AMPD3: variants seen among roughly 807,000 people sequenced by gnomAD.
The protein encoded by AMPD3 is AMP deaminase 3.
A neutral mutation model predicts 82.3 loss-of-function variants in AMPD3; 57 were observed. The observed-to-expected ratio is 0.69, with a 90% confidence interval of 0.56 to 0.86. AMPD3 has a LOEUF of 0.86. Among genes scored for constraint, AMPD3 ranks in the 40% least tolerant of loss-of-function variants. The pLI is 0.00. For synonymous variants in AMPD3, 381 were observed against 394.7 expected (o/e 0.97, Z 0.41); for missense variants, 870 against 1,003.8 (o/e 0.87, Z 1.80).
rs1386625976 is a variant in AMPD3 at position 10,493,333 on chromosome 11, G to T, written c.940-16G>T. The T allele has an allele frequency of 2.5e-6, 4 of 1,613,916 alleles. No individual in the cohort carries two copies. The highest frequency in any genetic ancestry group is 3.4e-6 in the Non-Finnish European group (4 of 1,180,016). ...GAGGTGGCCTGACTCAGGGCCTGGTGGGCGCTGTGTTCCAGGTGGACACAC... is the reference window on the plus strand; with the variant it reads ...GAGGTGGCCTGACTCAGGGCCTGGTTGGCGCTGTGTTCCAGGTGGACACAC... On this transcript the variant is annotated splice_polypyrimidine_tract_variant and intron_variant, in intron 6 of 14. Transcript: ENST00000396553.
chr11:10,493,206 G>A, intron 6 of AMPD3, 143 bp from the exon 7 acceptor site: 4 of 922,076 alleles, frequency 4.3e-6, no homozygotes, highest in South Asian at 4.0e-5. Flanking sequence ...AGGAGAAATG[G>A]GGGGTGGGAT....
intron 5 of AMPD3, 123 bp downstream of exon 5, chr11:10,485,162 C>T (rs538532751): frequency 2.6e-4 from 231 of 878,484 alleles, no homozygotes; most frequent in African/African-American, 1.9e-3. Flanking sequence ...AGAAAGAGCG[C>T]GGTTTCTCCT....
Position 10,506,066 on chromosome 11 carries a change from TTC to T in AMPD3, c.*184_*185del. 2 of 678,350 alleles carry T rather than the reference TTC, an allele frequency of 2.9e-6. No individual in the cohort carries two copies. The highest frequency in any genetic ancestry group is 5.5e-5 in the East Asian group (2 of 36,338). 42.0% of individuals were successfully genotyped at this position (678,350 alleles called of 1,614,324 possible). A position where few individuals can be genotyped will look rare whatever the true frequency, so the allele number is the denominator to read the frequency against. On this transcript the variant is annotated 3_prime_UTR_variant, in exon 15 of 15. Coordinates refer to ENST00000396553, the MANE Select transcript of AMPD3 (RefSeq NM_001025389.2). The surrounding 1 kb of genome is among the most constrained non-coding windows in gnomAD (Gnocchi z 4.1). ...AGTTAACATGCTCACTTGTTAGTAT[TTC>T]TGAGTAACAAGATGGTGACTTCTCC... is the stretch of plus-strand genomic sequence containing the variant.
In AMPD3 at chr11:10,495,714, A is replaced by G; in HGVS notation, c.1411A>G (p.Ile471Val). Residue 471 changes from isoleucine to valine, a missense_variant, in exon 9 of 15, where the codon ATC becomes GTC. By Grantham distance (29) the Ile-to-Val change is conservative. Coordinates refer to ENST00000396553, the MANE Select transcript of AMPD3 (RefSeq NM_001025389.2). Reference sequence around the variant, plus strand: ...CTACTCTCCCAACATGCGCTGGATCATCCAGGTGCCCCGGATTTAGTAAGT... The same window carrying G: ...CTACTCTCCCAACATGCGCTGGATCGTCCAGGTGCCCCGGATTTAGTAAGT... ...KVYSPNMRWI[I>V]QVPRIYDIFR... 6.2e-7 allele frequency: 1 copy of G among 1,614,128 alleles called. No homozygotes were observed.
At chr11:10,490,709 C>A (rs1384425174) in intron 6 of AMPD3, 80 of 945,376 alleles carry the variant, frequency 8.5e-5, no homozygotes, top group Non-Finnish European at 9.7e-5. Flanking sequence ...GGCTGACCCC[C>A]CTGTGGTGTG....
At chr11:10,482,009 T>C in intron 3 of AMPD3, 54 bp from the exon 4 acceptor site, 2 of 1,609,780 alleles carry the variant, frequency 1.2e-6, no homozygotes, top group African/African-American at 1.3e-5. Context: ...TTTCCAAGGA[T>C]GGCAGTCTCA....
At chr11:10,481,521 G>A (rs1399641090) in intron 3 of AMPD3, 2 of 985,118 alleles carry the variant, frequency 2.0e-6, no homozygotes, top group African/African-American at 3.5e-5. Flanking sequence ...CTGTGTTGGG[G>A]GTCTCCAAGA....
intron 2 of AMPD3, among the ~76,000 whole-genome samples, chr11:10,464,769 C>T (rs974482883): frequency 2.4e-4 from 37 of 152,220 alleles, no homozygotes; most frequent in Admixed American, 2.0e-3. Context: ...GACACCCTCT[C>T]CCCAGCTCCC....
chr11:10,450,455 G>A (rs1282295244), upstream of AMPD3: 2 of 985,616 alleles, frequency 2.0e-6, no homozygotes, highest in Non-Finnish European at 2.4e-6. Context: ...TCACCTGTGC[G>A]GGGCCGAGAC....
intron 6 of AMPD3, chr11:10,490,531 G>A (rs1036514290): frequency 2.0e-6 from 2 of 985,406 alleles, no homozygotes; most frequent in Non-Finnish European, 2.4e-6. Context: ...GGTGAACACG[G>A]GGAATGCACT....
At chr11:10,503,201 A>C (rs575417933) in intron 13 of AMPD3, among the ~76,000 whole-genome samples, 2 of 152,210 alleles carry the variant, frequency 1.3e-5, no homozygotes, top group African/African-American at 4.8e-5. Flanking sequence ...GTTCTTCTTC[A>C]TCTGTAAAAT....
intron 7 of AMPD3, chr11:10,494,478 T>C: frequency 1.2e-6 from 1 of 833,708 alleles, no homozygotes; most frequent in Non-Finnish European, 1.4e-6. Context: ...GTTGAAATGG[T>C]AAACGTTGTG....
At chr11:10,483,918 T>C (rs1187740513) in intron 4 of AMPD3, among the ~76,000 whole-genome samples, 1 of 152,236 alleles carries the variant, frequency 6.6e-6, no homozygotes, top group Non-Finnish European at 1.5e-5. Flanking sequence ...CTGAGCTGCA[T>C]GGAGTTGAAG....
intron 2 of AMPD3, among the ~76,000 whole-genome samples, chr11:10,467,028 A>T (rs970939226): frequency 6.6e-6 from 1 of 152,250 alleles, no homozygotes; most frequent in African/African-American, 2.4e-5. Flanking sequence ...ATCAAAGACC[A>T]AAGATAGATA....
At position 10,497,841 on chromosome 11, in the gene AMPD3, G is replaced by A. The variant is rs572880945; in HGVS notation, c.1557+903G>A. On this transcript the variant is annotated intron_variant, in intron 10 of 14. Transcript: ENST00000396553. ...GCCTGGCCTGGTCAGACGCCACAAC[G>A]TGATCTCACCTAAGCCTCACAATTA... The A allele has an allele frequency of 4.7e-5, 46 of 985,258 alleles. No individual in the cohort carries two copies. The South Asian group carries it at 5.6e-4, about 12-fold the overall frequency. The allele number at this position is 985,258 out of a possible 1,614,324, so 61.0% of individuals were successfully genotyped here.
At chr11:10,503,928 A>G (rs1849644843) in intron 13 of AMPD3, 1 of 985,116 alleles carries the variant, frequency 1.0e-6, no homozygotes, top group Non-Finnish European at 1.2e-6. Context: ...GCTCTAGGCT[A>G]CAGCGGCAGT....
Position 10,468,343 on chromosome 11 carries a change from GA to G in AMPD3, c.221+6615del, listed in dbSNP as rs142636929. On this transcript the variant is annotated intron_variant, in intron 2 of 14. Coordinates refer to ENST00000396553, the MANE Select transcript of AMPD3 (RefSeq NM_001025389.2). ...GGAATATTTACCAAGCAAATGGAAA[GA>G]AAAAAAAAAAAGCAGAAGTTGCAAG... is the stretch of plus-strand genomic sequence containing the variant. 4.1e-3 allele frequency among the ~76,000 whole-genome samples: 577 copies of G among 139,700 alleles called. 1 individual carries two copies. Among genetic ancestry groups the G allele is most frequent in the African/African-American group, 9.8e-3 (359 of 36,684 alleles). 91.6% of individuals were successfully genotyped at this position (139,700 alleles called of 152,430 possible).
intron 2 of AMPD3, among the ~76,000 whole-genome samples, chr11:10,468,966 C>G (rs986364227): frequency 3.9e-5 from 6 of 152,174 alleles, no homozygotes; most frequent in Admixed American, 1.3e-4. Context: ...CACAACGTAC[C>G]AGAATCTCTG....
chr11:10,495,524 T>C (rs754077255), intron 8 of AMPD3, 46 bp from the exon 9 acceptor site: 1 of 1,611,846 alleles, frequency 6.2e-7, no homozygotes, highest in East Asian at 2.2e-5. Flanking sequence ...GAGTCTCCCA[T>C]GTAGCTGGGA....
Sources: allele counts gnomAD v4.1 joint callset (sites outside exome capture counted in the v4.1 genomes callset), GRCh38; gene constraint gnomAD v4.1.1; non-coding constraint Gnocchi (gnomAD v3.1); transcripts MANE v1.5; gene names NCBI Gene and HGNC (gene_info 2026-07-23, HGNC 2026-07-21).